PUM1: variants seen among roughly 807,000 people sequenced by gnomAD.
The protein encoded by PUM1 is pumilio RNA binding family member 1, also known as pumilio homolog 1.
In PUM1, 13 loss-of-function variants were observed where a neutral mutation model predicts 131.8. That is an observed-to-expected ratio of 0.10 (90% CI 0.06 to 0.16). PUM1 has a LOEUF of 0.16. Among genes scored for constraint, PUM1 ranks in the 10% least tolerant of loss-of-function variants. The pLI is 1.00. For synonymous variants in PUM1, 509 were observed against 556.5 expected (o/e 0.91, Z 1.20); for missense variants, 961 against 1,512.4 (o/e 0.64, Z 6.05).
chr1:30,963,892 TA>T (rs1640519110), intron 14 of PUM1, among the ~76,000 whole-genome samples: 2 of 152,156 alleles, frequency 1.3e-5, no homozygotes, highest in Non-Finnish European at 2.9e-5. Flanking sequence ...ATCTAGCAAA[TA>T]AATCAGTACT....
chr1:31,054,539 A>AC (rs1296859047), intron 2 of PUM1, among the ~76,000 whole-genome samples: 1 of 83,238 alleles, frequency 1.2e-5, no homozygotes, highest in Non-Finnish European at 2.2e-5. Context: ...GGCCACTAAA[A>AC]AAAAAAAAAA....
At chr1:31,015,960 A>G (rs1570277299) in intron 3 of PUM1, among the ~76,000 whole-genome samples, 1 of 152,222 alleles carries the variant, frequency 6.6e-6, no homozygotes, top group East Asian at 1.9e-4. Context: ...GGCATAAGCC[A>G]CTGCGCCTGG....
chr1:30,964,527 T>A, intron 14 of PUM1, 147 bp downstream of exon 14: 1 of 738,172 alleles, frequency 1.4e-6, no homozygotes, highest in Non-Finnish European at 2.4e-6. Flanking sequence ...ACAGCCTGAA[T>A]AACATGAGGT....
At chr1:30,974,004 C>T (rs970886253) in intron 10 of PUM1, among the ~76,000 whole-genome samples, 3 of 151,616 alleles carry the variant, frequency 2.0e-5, no homozygotes, top group African/African-American at 7.3e-5. Flanking sequence ...AGGAGAACTG[C>T]TTGAATCCGG....
At chr1:31,028,709 A>T in intron 3 of PUM1, 87 bp downstream of exon 3, 2 of 1,067,226 alleles carry the variant, frequency 1.9e-6, no homozygotes, top group Non-Finnish European at 2.9e-6. Flanking sequence ...ATATTTCTGG[A>T]GACTAGATTT....
chr1:30,950,299 A>C (rs903090862), intron 16 of PUM1, 38 bp from the exon 17 acceptor site: 1 of 1,592,076 alleles, frequency 6.3e-7, no homozygotes, highest in African/African-American at 1.3e-5. Context: ...TTACTTAAGT[A>C]GAAGGAAATA....
intron 7 of PUM1, among the ~76,000 whole-genome samples, chr1:30,982,553 A>G (rs1641394418): frequency 6.6e-6 from 1 of 152,246 alleles, no homozygotes; most frequent in African/African-American, 2.4e-5. Flanking sequence ...CTCTTCCTAC[A>G]GGATTTTTCA....
chr1:30,968,217 T>A (rs1464671985), intron 11 of PUM1, 137 bp downstream of exon 11: 2 of 1,141,884 alleles, frequency 1.8e-6, no homozygotes, highest in East Asian at 4.7e-5. Context: ...TGAGGGCAAG[T>A]GTGTATCATC....
chr1:30,938,900 TAGATAGACAGACAGACAGACAGAC>T (rs1234921555), intron 20 of PUM1, among the ~76,000 whole-genome samples: 47 of 139,330 alleles, frequency 3.4e-4, no homozygotes, highest in Admixed American at 5.5e-4. Context: ...GATAGATAGA[TAGATAGACAGACAGACAGACAGAC>T]AGACAGACAG....
At chr1:31,029,897 G>A (rs114341319) in intron 2 of PUM1, among the ~76,000 whole-genome samples, 1 of 132,978 alleles carries the variant, frequency 7.5e-6, no homozygotes, top group Non-Finnish European at 1.6e-5. Context: ...CTAGGTAACA[G>A]AGGGAGATCC....
chr1:30,978,675 T>C (rs1034357045), intron 9 of PUM1, among the ~76,000 whole-genome samples: 1 of 152,220 alleles, frequency 6.6e-6, no homozygotes, highest in Non-Finnish European at 1.5e-5. Flanking sequence ...GGAAGACATT[T>C]TGTTTGTCCT....
intron 21 of PUM1, among the ~76,000 whole-genome samples, chr1:30,934,516 G>A (rs1401953302): frequency 6.6e-6 from 1 of 152,130 alleles, no homozygotes; most frequent in African/African-American, 2.4e-5. Context: ...AGCTGCATCG[G>A]GTGTCACATT....
At chr1:31,031,617 C>G (rs975701861) in intron 2 of PUM1, among the ~76,000 whole-genome samples, 2 of 152,216 alleles carry the variant, frequency 1.3e-5, no homozygotes, top group Non-Finnish European at 2.9e-5. Flanking sequence ...AAGCTGCCCC[C>G]TGGCAGTCAA....
intron 2 of PUM1, among the ~76,000 whole-genome samples, chr1:31,046,403 A>T (rs549430273): frequency 1.8e-4 from 28 of 152,338 alleles, no homozygotes; most frequent in Admixed American, 1.7e-3. Context: ...AAATTAAAAA[A>T]ATCAACAGTT....
At chr1:31,005,024 G>A (rs1300752624) in intron 5 of PUM1, among the ~76,000 whole-genome samples, 2 of 152,322 alleles carry the variant, frequency 1.3e-5, no homozygotes, top group Middle Eastern at 3.4e-3. Context: ...GAAGATTCAT[G>A]TGCCTCTCAT....
intron 3 of PUM1, among the ~76,000 whole-genome samples, chr1:31,011,445 T>C (rs1398364053): frequency 6.6e-6 from 1 of 152,226 alleles, no homozygotes; most frequent in African/African-American, 2.4e-5. Flanking sequence ...TTTAGACATG[T>C]TGAGCTTACT....
intron 3 of PUM1, among the ~76,000 whole-genome samples, chr1:31,017,705 T>C (rs1298171492): frequency 6.6e-6 from 1 of 151,988 alleles, no homozygotes; most frequent in Non-Finnish European, 1.5e-5. Context: ...TGAAAGCAAG[T>C]GGAGCAGGTG....
At chr1:30,971,293 G>A (rs904341820) in intron 10 of PUM1, among the ~76,000 whole-genome samples, 4 of 152,190 alleles carry the variant, frequency 2.6e-5, no homozygotes, top group Admixed American at 2.6e-4. Flanking sequence ...CTATGACAAG[G>A]CAGTTTACCA....
chr1:30,955,905 T>A (rs1640144938), intron 14 of PUM1, among the ~76,000 whole-genome samples: 1 of 152,232 alleles, frequency 6.6e-6, no homozygotes, highest in Admixed American at 6.5e-5. Context: ...AATTCTATGT[T>A]AGAAGTTTTT....
Sources: allele counts gnomAD v4.1 joint callset (sites outside exome capture counted in the v4.1 genomes callset), GRCh38; gene constraint gnomAD v4.1.1; transcripts MANE v1.5; gene names NCBI Gene and HGNC (gene_info 2026-07-23, HGNC 2026-07-21).